ETV6: variants seen among roughly 807,000 people sequenced by gnomAD.
ETV6 encodes the protein transcription factor ETV6.
In ETV6, 16 loss-of-function variants were observed where a neutral mutation model predicts 51.1. That is an observed-to-expected ratio of 0.31 (90% CI 0.21 to 0.48). The LOEUF (loss-of-function observed/expected upper bound fraction) is 0.48. ETV6 is among the 20% of genes least tolerant of loss of function. The pLI is 0.99. For missense variants in ETV6, 458 were observed against 594.8 expected (o/e 0.77, Z 2.39); for synonymous variants, 240 against 224.1 (o/e 1.07, Z -0.64).
In ETV6 at chr12:11,711,760, G is replaced by A. The variant is rs78528752; in HGVS notation, c.34-40690G>A. On this transcript the variant is annotated intron_variant, in intron 1 of 7. Transcript: ENST00000396373. ...ATGAATAAGGTATAGAGGAATATTC[G>A]TCTGAAGTCATGATTTGTACGTCAT... Among the ~76,000 whole-genome samples the A allele has an allele frequency of 8.5e-3, 1,300 of 152,262 alleles. 19 individuals carry two copies. The highest frequency in any genetic ancestry group is 0.028 in the African/African-American group (1,174 of 41,536).
At chr12:11,650,824 A>G (rs549013989) in intron 1 of ETV6, among the ~76,000 whole-genome samples, 48 of 152,322 alleles carry the variant, frequency 3.2e-4, no homozygotes, top group African/African-American at 1.0e-3. Flanking sequence ...AAGTTGAGCA[A>G]TCCCAAAGTA....
intron 2 of ETV6, among the ~76,000 whole-genome samples, chr12:11,798,132 G>C (rs1233043519): frequency 6.6e-6 from 1 of 152,198 alleles, no homozygotes; most frequent in Non-Finnish European, 1.5e-5. Context: ...TGACCTCAAG[G>C]AACTTGTAAT....
At chr12:11,661,370 A>G (rs1864098084) in intron 1 of ETV6, among the ~76,000 whole-genome samples, 1 of 152,190 alleles carries the variant, frequency 6.6e-6, no homozygotes, top group African/African-American at 2.4e-5. Flanking sequence ...GGTGCTTTGC[A>G]CTTTTGAGAC....
At chr12:11,779,062 T>A (rs1449793307) in intron 2 of ETV6, among the ~76,000 whole-genome samples, 1 of 152,244 alleles carries the variant, frequency 6.6e-6, no homozygotes, top group African/African-American at 2.4e-5. Context: ...CAGAGCCAGA[T>A]TAAATGCTTT....
intron 5 of ETV6, among the ~76,000 whole-genome samples, chr12:11,881,224 A>G (rs1947087600): frequency 6.6e-6 from 1 of 152,226 alleles, no homozygotes; most frequent in Admixed American, 6.5e-5. Context: ...GATTATAATT[A>G]TAAGCCACCA....
chr12:11,803,930 C>G (rs982073089), intron 2 of ETV6, among the ~76,000 whole-genome samples: 1 of 152,138 alleles, frequency 6.6e-6, no homozygotes, highest in African/African-American at 2.4e-5. Context: ...TCATCATCAT[C>G]ATCATCATCT....
chr12:11,658,870 C>A (rs981377565), intron 1 of ETV6, among the ~76,000 whole-genome samples: 1 of 152,184 alleles, frequency 6.6e-6, no homozygotes, highest in Non-Finnish European at 1.5e-5. Context: ...AAGGAAAAAA[C>A]CTAAGTCTGG....
At chr12:11,686,588 C>T (rs1025513966) in intron 1 of ETV6, among the ~76,000 whole-genome samples, 9 of 152,112 alleles carry the variant, frequency 5.9e-5, no homozygotes, top group African/African-American at 1.9e-4. Flanking sequence ...AGTGCAGTGG[C>T]GTGATCTTGG....
At chr12:11,702,299 C>T (rs1864998245) in intron 1 of ETV6, among the ~76,000 whole-genome samples, 1 of 152,130 alleles carries the variant, frequency 6.6e-6, no homozygotes, top group Non-Finnish European at 1.5e-5. Flanking sequence ...TTTTTGTCTT[C>T]TGAAGTTTTT....
chr12:11,679,054 G>A (rs572181003), intron 1 of ETV6, among the ~76,000 whole-genome samples: 16 of 152,280 alleles, frequency 1.1e-4, no homozygotes, highest in African/African-American at 3.6e-4. Context: ...CCCATAATCC[G>A]AGTCAAATTG....
chr12:11,784,244 A>G (rs1945449502), intron 2 of ETV6, among the ~76,000 whole-genome samples: 1 of 152,160 alleles, frequency 6.6e-6, no homozygotes, highest in South Asian at 2.1e-4. Context: ...AGCCTGGCCA[A>G]CATGTTGAAA....
At chr12:11,725,063 A>T (rs1348717898) in intron 1 of ETV6, among the ~76,000 whole-genome samples, 3 of 151,878 alleles carry the variant, frequency 2.0e-5, no homozygotes, top group Non-Finnish European at 4.4e-5. Flanking sequence ...CCACTTCCCC[A>T]TCAGCTTCAC....
chr12:11,721,556 A>G (rs933716420), intron 1 of ETV6, among the ~76,000 whole-genome samples: 1 of 152,216 alleles, frequency 6.6e-6, no homozygotes, highest in African/African-American at 2.4e-5. Context: ...CATGGGAACA[A>G]TAAACACTGT....
At chr12:11,851,021 G>T (rs1211973828) in intron 3 of ETV6, among the ~76,000 whole-genome samples, 1 of 152,086 alleles carries the variant, frequency 6.6e-6, no homozygotes, top group Non-Finnish European at 1.5e-5. Flanking sequence ...GTTATTATTT[G>T]CATTTTACAG....
At chr12:11,846,620 G>A (rs1026863316) in intron 3 of ETV6, among the ~76,000 whole-genome samples, 1 of 151,928 alleles carries the variant, frequency 6.6e-6, no homozygotes, top group African/African-American at 2.4e-5. Flanking sequence ...AAAAAAAGAT[G>A]CCCTTAACAA....
chr12:11,872,060 G>A lies in ETV6; in HGVS notation c.1009+2091G>A, dbSNP rs193167677. Among the ~76,000 whole-genome samples, 202 of 152,306 alleles carry A rather than the reference G, an allele frequency of 1.3e-3. 1 individual carries two copies. The highest frequency in any genetic ancestry group is 2.5e-3 in the Non-Finnish European group (170 of 68,034). On this transcript the variant is annotated intron_variant, in intron 5 of 7. Transcript: ENST00000396373. ...TCTCGTCTTGTTTCTTGCATGGTGT[G>A]TGCAGCAGTACTTGACATTTTGCAG...
intron 2 of ETV6, among the ~76,000 whole-genome samples, chr12:11,764,639 A>T (rs1945137738): frequency 6.6e-6 from 1 of 152,212 alleles, no homozygotes; most frequent in African/African-American, 2.4e-5. Flanking sequence ...TGGTAATCCA[A>T]GTCTTGAGTT....
At chr12:11,740,731 A>G (rs1469733519) in intron 1 of ETV6, among the ~76,000 whole-genome samples, 1 of 152,250 alleles carries the variant, frequency 6.6e-6, no homozygotes, top group East Asian at 1.9e-4. Flanking sequence ...GAGTAAATAA[A>G]TACGCCGGGT....
intron 2 of ETV6, among the ~76,000 whole-genome samples, chr12:11,830,210 G>C (rs973507557): frequency 6.6e-6 from 1 of 152,246 alleles, no homozygotes; most frequent in East Asian, 1.9e-4. Flanking sequence ...AGCAGTATTC[G>C]GGATCTGCAG....
Sources: allele counts gnomAD v4.1 joint callset (sites outside exome capture counted in the v4.1 genomes callset), GRCh38; gene constraint gnomAD v4.1.1; transcripts MANE v1.5; gene names NCBI Gene and HGNC (gene_info 2026-07-23, HGNC 2026-07-21).